HOXA3: variants seen among roughly 807,000 people sequenced by gnomAD.
HOXA3 encodes the protein homeobox protein Hox-A3.
In HOXA3, 8 loss-of-function variants were observed where a neutral mutation model predicts 30.3. The ratio of observed to expected loss-of-function variants is 0.26; its 90% CI spans 0.15 to 0.48. HOXA3 has a LOEUF of 0.48. Among genes scored for constraint, HOXA3 ranks in the 20% least tolerant of loss-of-function variants. The pLI is 0.99. For synonymous variants in HOXA3, 323 were observed against 273.1 expected, an observed-to-expected ratio of 1.18 and a Z score of -1.80; for missense variants, 653 against 614.4, an observed-to-expected ratio of 1.06 and a Z score of -0.66.
chr7:27,130,593 CGCTGGGGGCT>C (rs1266580901), intron 2 of HOXA3: 1 of 1,525,466 alleles, frequency 6.6e-7, no homozygotes, highest in Non-Finnish European at 8.8e-7. Context: ...GGGTCGGGGG[CGCTGGGGGCT>C]GCTGGTAGCC....
intron 3 of HOXA3, chr7:27,124,302 C>T (rs1785180932): frequency 6.6e-6 from 1 of 152,216 alleles, no homozygotes; most frequent in East Asian, 1.9e-4. Context: ...TGAACAAAGC[C>T]GCGCGCCCGT....
chr7:27,130,098 TC>T, intron 2 of HOXA3: 1 of 1,582,330 alleles, frequency 6.3e-7, no homozygotes, highest in South Asian at 1.1e-5. Flanking sequence ...CTCCCGCGCC[TC>T]CCAAGCGGCG....
chr7:27,137,185 C>A (rs1785741032), intron 2 of HOXA3, among the ~76,000 whole-genome samples: 1 of 152,182 alleles, frequency 6.6e-6, no homozygotes, highest in African/African-American at 2.4e-5. Flanking sequence ...AACAAATGAA[C>A]AGGACTCTGT....
chr7:27,130,896 G>A (rs1479354750), intron 2 of HOXA3: 14 of 650,154 alleles, frequency 2.2e-5, no homozygotes, highest in African/African-American at 1.9e-4. Flanking sequence ...CGCAGACGCC[G>A]CCACCAAAGT....
chr7:27,139,291 G>A (rs1389935165), intron 2 of HOXA3, among the ~76,000 whole-genome samples: 2 of 152,222 alleles, frequency 1.3e-5, no homozygotes, highest in African/African-American at 4.8e-5. Context: ...GGCAAACAGG[G>A]TTCAGGGCCT....
At chr7:27,132,711 GA>G (rs1386304400) in intron 2 of HOXA3, among the ~76,000 whole-genome samples, 1 of 152,108 alleles carries the variant, frequency 6.6e-6, no homozygotes, top group African/African-American at 2.4e-5. Flanking sequence ...ACATCTACCT[GA>G]ACCAATATCT....
At position 27,114,873 on chromosome 7, in the gene HOXA3, A is replaced by G. The variant is rs1160129280; in HGVS notation, c.-120-4113T>C. Among the ~76,000 whole-genome samples the G allele has an allele frequency of 1.7e-5, 2 of 118,246 alleles. 1 individual carries two copies. The highest frequency in any genetic ancestry group is 2.1e-4 in the Admixed American group (2 of 9,546). 77.6% of individuals were successfully genotyped at this position (118,246 alleles called of 152,430 possible). ...ATATATTATATATATAATATATATT[A>G]TATATATGTATATACATATTTTCCT... On this transcript the variant is annotated intron_variant, in intron 4 of 5. Transcript: ENST00000612286.
intron 1 of HOXA3, chr7:27,141,264 AG>A (rs1782559614): frequency 6.5e-6 from 1 of 152,724 alleles, no homozygotes; most frequent in Non-Finnish European, 1.5e-5. Flanking sequence ...GGTCCTATAA[AG>A]GCACGCAGGG....
chr7:27,111,971 A>G (rs544154177), intron 4 of HOXA3, among the ~76,000 whole-genome samples: 1 of 152,310 alleles, frequency 6.6e-6, no homozygotes, highest in East Asian at 1.9e-4. Flanking sequence ...TGTTGTTGAT[A>G]TTTTGTTACT....
chr7:27,146,491 G>A (rs1782773321), intron 1 of HOXA3, among the ~76,000 whole-genome samples: 1 of 152,172 alleles, frequency 6.6e-6, no homozygotes, highest in African/African-American at 2.4e-5. Flanking sequence ...GGATGTTAAT[G>A]GAAAACATTA....
At position 27,130,385 on chromosome 7, in the gene HOXA3, C is replaced by T. The variant is rs1414988301; in HGVS notation, c.-389-3315G>A. ...CCCTTGGCTTGCGCCGGGGGCTGCT[C>T]GGGCTGGGGCGGCCGCCCGGGGCTG... On this transcript the variant is annotated intron_variant, in intron 2 of 5. Transcript: ENST00000612286. The T allele has an allele frequency of 6.1e-6, 7 of 1,152,198 alleles. No individual in the cohort carries two copies. The African/African-American group carries it at 6.6e-5, about 11-fold the overall frequency. 71.4% of individuals were successfully genotyped at this position (1,152,198 alleles called of 1,614,324 possible).
Position 27,152,355 on chromosome 7 carries a change from A to G in HOXA3, c.-561T>C. ...TGTCGCTTGGGCAGCCCGAGAGAAG[A>G]ATTGTCCTCTTTCCTGGTGCCAGAG... is the stretch of plus-strand genomic sequence containing the variant. On this transcript the variant is annotated 5_prime_UTR_variant, in exon 1 of 6. Transcript: ENST00000612286. 8.1e-7 allele frequency: 1 copy of G among 1,229,828 alleles called. No individual in the cohort carries two copies. Among genetic ancestry groups the G allele is most frequent in the East Asian group, 6.5e-5 (1 of 15,410 alleles). The allele number at this position is 1,229,828 out of a possible 1,614,324, so 76.2% of individuals were successfully genotyped here.
intron 2 of HOXA3, chr7:27,128,281 A>G (rs1583393959): frequency 6.6e-6 from 1 of 152,356 alleles, no homozygotes; most frequent in Non-Finnish European, 1.5e-5. Flanking sequence ...GCCCTCTCAG[A>G]GCTCAAGAGC....
Position 27,110,339 on chromosome 7 carries a change from G to A in HOXA3, c.302C>T (p.Ala101Val). ...HPPPPQAAPP[A>V]PQPPQPAPQP... ...AGGTGCGGGCTGAGGCGGCTGTGGGGCAGGGGGCGCGGCCTGGGGCGGCGG... is the reference window on the plus strand; with the variant it reads ...AGGTGCGGGCTGAGGCGGCTGTGGGACAGGGGGCGCGGCCTGGGGCGGCGG... Residue 101 changes from alanine to valine, a missense_variant, in exon 5 of 6, where the codon GCC (alanine) becomes GTC (valine). Transcript: ENST00000612286. The A allele has an allele frequency of 6.6e-7, 1 of 1,506,302 alleles. No homozygotes were observed. The highest frequency in any genetic ancestry group is 8.8e-7 in the Non-Finnish European group (1 of 1,130,728). The allele number at this position is 1,506,302 out of a possible 1,614,324, so 93.3% of individuals were successfully genotyped here. A position where few individuals can be genotyped will look rare whatever the true frequency, so the allele number is the denominator to read the frequency against.
At chr7:27,128,087 T>C (rs918313986) in intron 2 of HOXA3, 28 of 152,200 alleles carry the variant, frequency 1.8e-4, no homozygotes, top group African/African-American at 6.8e-4. Context: ...GTGCAACAAA[T>C]ACCAAATACC....
At chr7:27,110,873 G>T in intron 4 of HOXA3, 113 bp from the exon 5 acceptor site, 1 of 547,678 alleles carries the variant, frequency 1.8e-6, no homozygotes, top group South Asian at 2.8e-5. Context: ...ATATTTAGCA[G>T]CACGACTTGG....
At chr7:27,115,892 C>CT (rs1784698643) in intron 4 of HOXA3, 1 of 152,676 alleles carries the variant, frequency 6.5e-6, no homozygotes, top group Non-Finnish European at 1.5e-5. Context: ...AGCCGCTCTG[C>CT]TTAAATCCAA....
intron 1 of HOXA3, among the ~76,000 whole-genome samples, chr7:27,143,869 C>T (rs1782662804): frequency 6.6e-6 from 1 of 152,084 alleles, no homozygotes; most frequent in African/African-American, 2.4e-5. Flanking sequence ...GCGCGCGCCC[C>T]GGGCGCGTGC....
rs765734275 is a variant in HOXA3 at position 27,130,517 on chromosome 7, A to G, written c.-389-3447T>C. ...TCGCGGGCGGTCCGCGGCGCGTAGTAGGAGGCAGTGGGCTCTCGGCCGCCG... is the reference window on the plus strand; with the variant it reads ...TCGCGGGCGGTCCGCGGCGCGTAGTGGGAGGCAGTGGGCTCTCGGCCGCCG... On this transcript the variant is annotated intron_variant, in intron 2 of 5. Transcript: ENST00000612286. 9 of 1,329,512 alleles carry G rather than the reference A, an allele frequency of 6.8e-6. No individual in the cohort carries two copies. The East Asian group carries it at 1.3e-4, about 19-fold the overall frequency. 82.4% of individuals were successfully genotyped at this position (1,329,512 alleles called of 1,614,324 possible).
Sources: gnomAD v4.1 joint callset for allele counts (sites outside exome capture counted in the v4.1 genomes callset) on GRCh38, gnomAD v4.1.1 for gene constraint, MANE v1.5 for transcripts, NCBI Gene and HGNC (gene_info 2026-07-23, HGNC 2026-07-21) for gene names.